The following PARP15 variants were observed in gnomAD, a reference collection of about 807,000 sequenced individuals.
PARP15 encodes protein mono-ADP-ribosyltransferase PARP15.
A neutral mutation model predicts 62.1 loss-of-function variants in PARP15; 50 were observed. The ratio of observed to expected loss-of-function variants is 0.81; its 90% confidence interval spans 0.64 to 1.02. The LOEUF (loss-of-function observed/expected upper bound fraction) is 1.02, where lower values mean the gene tolerates loss of function less well. Among genes scored for constraint, PARP15 ranks in the 50% least tolerant of loss-of-function variants. The pLI is 0.00. For synonymous variants in PARP15, 309 were observed against 293.1 expected (o/e 1.05, Z -0.55); for missense variants, 820 against 826.5 (o/e 0.99, Z 0.10).
At chr3:122,622,998 ATCCC>A (rs1936446773) in intron 8 of PARP15, among the ~76,000 whole-genome samples, 3 of 152,168 alleles carry the variant, frequency 2.0e-5, no homozygotes, top group Admixed American at 6.5e-5. Flanking sequence ...TCCTGCAGGT[ATCCC>A]AGGTCCCTCT....
chr3:122,591,346 T>C (rs1311975507), intron 1 of PARP15, among the ~76,000 whole-genome samples: 2 of 152,230 alleles, frequency 1.3e-5, no homozygotes, highest in Non-Finnish European at 2.9e-5. Context: ...CACTTCACAA[T>C]ATCCAAGACG....
At chr3:122,635,695 G>C in intron 11 of PARP15, 116 bp from the exon 12 acceptor site, 1 of 1,184,948 alleles carries the variant, frequency 8.4e-7, no homozygotes, top group South Asian at 1.5e-5. Context: ...TTACAGGCAT[G>C]AGCCAACACA....
intron 1 of PARP15, among the ~76,000 whole-genome samples, chr3:122,584,009 C>CATGTGGTAAGCCT (rs67942108): frequency 6.6e-6 from 1 of 151,564 alleles, no homozygotes; most frequent in Non-Finnish European, 1.5e-5. Flanking sequence ...CACCGCTCTC[C>CATGTGGTAAGCCT]ATGTGGTAAG....
intron 8 of PARP15, among the ~76,000 whole-genome samples, chr3:122,622,097 C>T (rs749966126): frequency 6.6e-6 from 1 of 152,222 alleles, no homozygotes; most frequent in Non-Finnish European, 1.5e-5. Context: ...CTGTGCCCAC[C>T]CCTTTCTTCT....
chr3:122,605,832 T>G, intron 1 of PARP15, 104 bp from the exon 2 acceptor site: 1 of 1,183,464 alleles, frequency 8.4e-7, no homozygotes, highest in East Asian at 2.7e-5. Context: ...TTCTCCCACC[T>G]AGTCTTCCAA....
chr3:122,582,390 T>C (rs1409903811), intron 1 of PARP15, among the ~76,000 whole-genome samples: 1 of 152,090 alleles, frequency 6.6e-6, no homozygotes, highest in Non-Finnish European at 1.5e-5. Context: ...TTGCCCAGGC[T>C]GGTCTTGAAC....
At position 122,617,092 on chromosome 3, in the gene PARP15, A is replaced by T. The variant is rs1174359427; in HGVS notation, c.928A>T (p.Thr310Ser). 1 of 1,613,990 alleles carries T rather than the reference A, an allele frequency of 6.2e-7. No individual in the cohort carries two copies. Among genetic ancestry groups the T allele is most frequent in the Non-Finnish European group, 8.5e-7 (1 of 1,179,976 alleles). Residue 310 changes from threonine (T) to serine (S), a missense_variant, in exon 6 of 12, where the codon ACT becomes TCT. By Grantham distance (58) the Thr-to-Ser change is moderately conservative (BLOSUM62 1). This residue lies in a region of PARP15 where 731 missense variants were observed against 727.7 expected (regional missense o/e 1.00). Transcript: ENST00000464300. ...CGGTGCAATTACTTTTCAGGTTGCTACTGGAGATATAGCCACTGAACAGGT... is the reference window on the plus strand; with the variant it reads ...CGGTGCAATTACTTTTCAGGTTGCTTCTGGAGATATAGCCACTGAACAGGT... ...KIGAITFQVA[T>S]GDIATEQVDV...
intron 1 of PARP15, among the ~76,000 whole-genome samples, chr3:122,596,458 T>C (rs1251154886): frequency 6.6e-6 from 1 of 151,222 alleles, no homozygotes; most frequent in East Asian, 2.0e-4. Context: ...ACCCATGGCC[T>C]TTCCCATGTC....
chr3:122,601,022 GTTTGTC>G (rs1934744198), intron 1 of PARP15, among the ~76,000 whole-genome samples: 1 of 91,990 alleles, frequency 1.1e-5, no homozygotes. Context: ...ATTGGTTTTT[GTTTGTC>G]TTTTATGGTT....
At chr3:122,579,032 CT>C (rs2080743856) in intron 1 of PARP15, among the ~76,000 whole-genome samples, 1 of 152,212 alleles carries the variant, frequency 6.6e-6, no homozygotes, top group Admixed American at 6.5e-5. Context: ...CAATACATGA[CT>C]TTTTAAACTT....
chr3:122,584,912 G>T (rs925656527), intron 1 of PARP15, among the ~76,000 whole-genome samples: 1 of 152,152 alleles, frequency 6.6e-6, no homozygotes, highest in East Asian at 1.9e-4. Flanking sequence ...GTTAGGAATC[G>T]GTGTTAAATT....
chr3:122,591,853 C>T (rs1323653290), intron 1 of PARP15, among the ~76,000 whole-genome samples: 7 of 151,712 alleles, frequency 4.6e-5, no homozygotes, highest in Non-Finnish European at 1.0e-4. Flanking sequence ...TTTGAGATTC[C>T]AGGCGTCCCA....
chr3:122,615,955 A>G (rs1352506291), intron 5 of PARP15, 98 bp downstream of exon 5: 1 of 1,192,524 alleles, frequency 8.4e-7, no homozygotes, highest in Non-Finnish European at 1.2e-6. Flanking sequence ...GCTAATTCAC[A>G]TGAAGAACAA....
chr3:122,593,520 AAT>A (rs1324232617), intron 1 of PARP15, among the ~76,000 whole-genome samples: 2 of 152,222 alleles, frequency 1.3e-5, no homozygotes, highest in Non-Finnish European at 2.9e-5. Flanking sequence ...TTAGTACAAA[AAT>A]ATGTATGGAA....
intron 1 of PARP15, among the ~76,000 whole-genome samples, chr3:122,581,413 C>T (rs2080799518): frequency 6.6e-6 from 1 of 152,020 alleles, no homozygotes; most frequent in Non-Finnish European, 1.5e-5. Context: ...TCTTCCTTTC[C>T]TTTCCTTTTC....
chr3:122,579,398 T>C (rs2080751794), intron 1 of PARP15, among the ~76,000 whole-genome samples: 1 of 152,128 alleles, frequency 6.6e-6, no homozygotes, highest in Non-Finnish European at 1.5e-5. Flanking sequence ...TCATACTTTT[T>C]AGTGTATACT....
intron 1 of PARP15, among the ~76,000 whole-genome samples, chr3:122,603,024 A>C (rs114725254): frequency 0.016 from 2,408 of 152,078 alleles, 65 homozygotes; most frequent in African/African-American, 0.054. Flanking sequence ...CTGAATGATG[A>C]CTACCCTTTA....
intron 1 of PARP15, among the ~76,000 whole-genome samples, chr3:122,579,612 ACTG>A (rs2080756679): frequency 6.6e-6 from 1 of 152,114 alleles, no homozygotes; most frequent in Non-Finnish European, 1.5e-5. Flanking sequence ...CTAATTTGCT[ACTG>A]CTTTCTATTA....
chr3:122,633,033 T>C (rs1199794168), intron 10 of PARP15, among the ~76,000 whole-genome samples: 5 of 152,142 alleles, frequency 3.3e-5, no homozygotes, highest in Admixed American at 2.6e-4. Flanking sequence ...GGGTGTAGCA[T>C]CCTAGTAATT....
Sources: allele counts gnomAD v4.1 joint callset (sites outside exome capture counted in the v4.1 genomes callset), GRCh38; gene constraint gnomAD v4.1.1; regional missense constraint gnomAD v4.1.1; transcripts MANE v1.5; gene names NCBI Gene and HGNC (gene_info 2026-07-23, HGNC 2026-07-21).